RSPO2: variants seen among roughly 807,000 people sequenced by gnomAD.
RSPO2 encodes the protein R-spondin 2.
Under a neutral mutation model 30.9 loss-of-function variants are expected in RSPO2, and 14 were observed. That is an observed-to-expected ratio of 0.45 (90% CI 0.30 to 0.71). RSPO2 has a LOEUF of 0.71. RSPO2 is among the 30% of genes least tolerant of loss of function. The pLI is 0.08. For missense variants in RSPO2, 264 were observed against 301.9 expected, an observed-to-expected ratio of 0.87 and a Z score of 0.93; for synonymous variants, 107 against 96.4, an observed-to-expected ratio of 1.11 and a Z score of -0.64.
At chr8:107,987,824 A>T (rs944161511) in intron 3 of RSPO2, among the ~76,000 whole-genome samples, 2 of 152,150 alleles carry the variant, frequency 1.3e-5, no homozygotes, top group African/African-American at 4.8e-5. Flanking sequence ...TTCTCATCTA[A>T]AGACTGTCTT....
chr8:107,938,819 C>A (rs1411638672), intron 5 of RSPO2, among the ~76,000 whole-genome samples: 1 of 152,138 alleles, frequency 6.6e-6, no homozygotes, highest in Admixed American at 6.6e-5. Flanking sequence ...TGAACTGAGG[C>A]AGTTAAGTCC....
At chr8:108,003,297 ATATATATATATATATTTTTTTTTTTTTTT>A (rs1563559049) in intron 2 of RSPO2, among the ~76,000 whole-genome samples, 9 of 23,328 alleles carry the variant, frequency 3.9e-4, no homozygotes, top group African/African-American at 1.6e-3. Flanking sequence ...ATATATATAT[ATATATATATATATATTTTTTTTTTTTTTT>A]TTTTTTTTTT....
At chr8:108,034,833 G>A (rs968625837) in intron 2 of RSPO2, among the ~76,000 whole-genome samples, 4 of 152,286 alleles carry the variant, frequency 2.6e-5, no homozygotes, top group Admixed American at 1.3e-4. Context: ...GGGTGTGCAC[G>A]CACAGAACAC....
intron 2 of RSPO2, among the ~76,000 whole-genome samples, chr8:108,005,757 T>G (rs572275377): frequency 2.6e-5 from 4 of 152,244 alleles, no homozygotes; most frequent in South Asian, 2.1e-4. Flanking sequence ...AGCTAAGAAA[T>G]AGGGAGTAAC....
At chr8:107,976,654 T>G (rs1204498224) in intron 3 of RSPO2, among the ~76,000 whole-genome samples, 1 of 152,158 alleles carries the variant, frequency 6.6e-6, no homozygotes, top group East Asian at 1.9e-4. Flanking sequence ...GCTCAGATTA[T>G]GTAGTTCACT....
chr8:107,948,492 G>A (rs763529901), intron 5 of RSPO2, among the ~76,000 whole-genome samples: 2 of 152,170 alleles, frequency 1.3e-5, no homozygotes, highest in Non-Finnish European at 2.9e-5. Context: ...TCAAAGGCCA[G>A]CCTTGGAGAG....
At chr8:108,080,618 G>C (rs551858024) in intron 2 of RSPO2, among the ~76,000 whole-genome samples, 2 of 152,164 alleles carry the variant, frequency 1.3e-5, no homozygotes, top group African/African-American at 4.8e-5. Context: ...CCTTCTGGCC[G>C]CAGGAGTGCT....
chr8:108,059,461 A>T (rs1231987640), intron 2 of RSPO2, among the ~76,000 whole-genome samples: 2 of 151,600 alleles, frequency 1.3e-5, no homozygotes, highest in Non-Finnish European at 2.9e-5. Context: ...TCAGGGATCT[A>T]GAACTAGAAA....
intron 2 of RSPO2, among the ~76,000 whole-genome samples, chr8:108,067,546 C>G (rs1417237423): frequency 1.3e-5 from 2 of 152,078 alleles, no homozygotes; most frequent in Admixed American, 1.3e-4. Context: ...CATCACATTA[C>G]TTTTTTATGT....
chr8:107,980,138 T>C (rs1209277470), intron 3 of RSPO2, among the ~76,000 whole-genome samples: 1 of 152,180 alleles, frequency 6.6e-6, no homozygotes, highest in Non-Finnish European at 1.5e-5. Flanking sequence ...CTCACCCATC[T>C]CCAAGGGCAA....
intron 2 of RSPO2, among the ~76,000 whole-genome samples, chr8:107,993,386 T>C (rs1814915146): frequency 6.6e-6 from 1 of 152,152 alleles, no homozygotes; most frequent in African/African-American, 2.4e-5. Flanking sequence ...TTTTACTCAG[T>C]AATAAAAAGG....
rs1174833162 is a variant in RSPO2 at position 107,902,161 on chromosome 8, A to C, written c.617-971T>G. Reference sequence around the variant, plus strand: ...AGAAATCAGAGGATTTTTAGAACAGAAAAGGGCTTTAAAGGTCTCCTGCAT... The same window carrying C: ...AGAAATCAGAGGATTTTTAGAACAGCAAAGGGCTTTAAAGGTCTCCTGCAT... On this transcript the variant is annotated intron_variant, in intron 5 of 5. Coordinates refer to ENST00000276659, the MANE Select transcript of RSPO2 (RefSeq NM_178565.5). 2.0e-5 allele frequency among the ~76,000 whole-genome samples: 3 copies of C among 152,152 alleles called. No individual in the cohort carries two copies. In the East Asian group the frequency reaches 5.8e-4, roughly 29 times the overall value.
intron 2 of RSPO2, among the ~76,000 whole-genome samples, chr8:107,993,324 C>T (rs968613154): frequency 4.0e-5 from 6 of 151,884 alleles, no homozygotes; most frequent in African/African-American, 7.3e-5. Flanking sequence ...AGAAACAATC[C>T]GAATATCTAT....
chr8:107,926,489 A>T (rs572604942), intron 5 of RSPO2, among the ~76,000 whole-genome samples: 242 of 151,846 alleles, frequency 1.6e-3, no homozygotes, highest in Middle Eastern at 6.9e-3. Context: ...GCCTATGTCC[A>T]GAATAGTATT....
At chr8:108,081,296 A>G (rs1813186027) in intron 2 of RSPO2, among the ~76,000 whole-genome samples, 1 of 152,194 alleles carries the variant, frequency 6.6e-6, no homozygotes, top group Non-Finnish European at 1.5e-5. Context: ...GCCATCAAAA[A>G]AATAAGGTTC....
rs142566489 is a variant in RSPO2 at position 108,039,965 on chromosome 8, G to A, written c.94+42580C>T. 3.8e-3 allele frequency among the ~76,000 whole-genome samples: 580 copies of A among 152,188 alleles called. 2 individuals carry two copies. The highest frequency in any genetic ancestry group is 6.5e-3 in the Non-Finnish European group (439 of 67,996). ...AAGTTGGCAGTCTACAAACCAAGAT[G>A]TCCCTCACCAGAGAATGACCATGCT... On this transcript the variant is annotated intron_variant, in intron 2 of 5. Transcript: ENST00000276659.
At chr8:107,973,106 T>C (rs1264254270) in intron 3 of RSPO2, among the ~76,000 whole-genome samples, 1 of 151,994 alleles carries the variant, frequency 6.6e-6, no homozygotes, top group Non-Finnish European at 1.5e-5. Flanking sequence ...TCATCTCTAC[T>C]AAAAATACAA....
intron 2 of RSPO2, among the ~76,000 whole-genome samples, chr8:108,047,595 C>A (rs921974422): frequency 1.3e-5 from 2 of 152,090 alleles, no homozygotes; most frequent in African/African-American, 2.4e-5. Flanking sequence ...TGCCTGTAAT[C>A]CCAGCACTTT....
In RSPO2 at chr8:107,921,648, GAA is replaced by G. The variant is rs534624886; in HGVS notation, c.617-20460_617-20459del. Among the ~76,000 whole-genome samples the G allele has an allele frequency of 3.7e-3, 558 of 151,696 alleles. 4 individuals carry two copies. Among genetic ancestry groups the G allele is most frequent in the African/African-American group, 0.013 (543 of 41,436 alleles). ...CCATCCTGATAACAAAACCTGACAA[GAA>G]AAAAGAGAAAACTTCCAGCCAATAT... On this transcript the variant is annotated intron_variant, in intron 5 of 5. Transcript: ENST00000276659.
Sources: gnomAD v4.1 joint callset for allele counts (sites outside exome capture counted in the v4.1 genomes callset) on GRCh38, gnomAD v4.1.1 for gene constraint, MANE v1.5 for transcripts, NCBI Gene and HGNC (gene_info 2026-07-23, HGNC 2026-07-21) for gene names.